The following PTPRR variants were observed in gnomAD, a reference collection of about 807,000 sequenced individuals.
PTPRR encodes receptor-type tyrosine-protein phosphatase R.
Under a neutral mutation model 77.2 loss-of-function variants are expected in PTPRR, and 38 were observed. The ratio of observed to expected loss-of-function variants is 0.49; its 90% CI spans 0.38 to 0.65. The LOEUF (loss-of-function observed/expected upper bound fraction) is 0.65, where lower values mean the gene tolerates loss of function less well. Among genes scored for constraint, PTPRR ranks in the 30% least tolerant of loss-of-function variants. The pLI is 0.00. For missense variants in PTPRR, 744 were observed against 799.2 expected (o/e 0.93, Z 0.83); for synonymous variants, 299 against 283.1 (o/e 1.06, Z -0.57).
At chr12:70,908,564 C>T (rs977432995) in intron 1 of PTPRR, among the ~76,000 whole-genome samples, 1 of 152,170 alleles carries the variant, frequency 6.6e-6, no homozygotes, top group Non-Finnish European at 1.5e-5. Flanking sequence ...ATAGAGGAAG[C>T]CGCCCCATGA....
chr12:70,643,080 G>C (rs887795270), intron 13 of PTPRR, among the ~76,000 whole-genome samples: 1 of 152,156 alleles, frequency 6.6e-6, no homozygotes, highest in African/African-American at 2.4e-5. Context: ...TGAGGCCAGA[G>C]GATAGCATTT....
At chr12:70,700,130 G>T (rs570146776) in intron 7 of PTPRR, among the ~76,000 whole-genome samples, 1 of 152,252 alleles carries the variant, frequency 6.6e-6, no homozygotes, top group East Asian at 1.9e-4. Context: ...TTTCATGTTT[G>T]TATTTTACTT....
intron 2 of PTPRR, among the ~76,000 whole-genome samples, chr12:70,794,566 C>T (rs573864315): frequency 6.6e-6 from 1 of 152,232 alleles, no homozygotes; most frequent in South Asian, 2.1e-4. Context: ...ACATTTTGGG[C>T]AAATATATAA....
At chr12:70,883,110 A>T in intron 2 of PTPRR, among the ~76,000 whole-genome samples, 1 of 152,224 alleles carries the variant, frequency 6.6e-6, no homozygotes, top group East Asian at 1.9e-4. Context: ...AAAATACAAA[A>T]ATTAGCTGAA....
At chr12:70,693,435 C>T (rs889510419) in intron 8 of PTPRR, among the ~76,000 whole-genome samples, 1 of 151,934 alleles carries the variant, frequency 6.6e-6, no homozygotes, top group African/African-American at 2.4e-5. Flanking sequence ...TAGCTGGGAC[C>T]ACACATGTGC....
At position 70,805,667 on chromosome 12, in the gene PTPRR, T is replaced by C. The variant is rs879293026; in HGVS notation, c.358-40889A>G. Among the ~76,000 whole-genome samples, 3 of 152,384 alleles carry C rather than the reference T, an allele frequency of 2.0e-5. No individual in the cohort carries two copies. In the East Asian group the frequency reaches 5.8e-4, roughly 29 times the overall value. ...TGCCCTTCAGGGAGGTTGTAAAATA[T>C]GAATTTCCATTAGCAGTTTATTAAA... On this transcript the variant is annotated intron_variant, in intron 2 of 13. Transcript: ENST00000283228.
chr12:70,886,100 G>C (rs1170508065), intron 2 of PTPRR, among the ~76,000 whole-genome samples: 1 of 152,114 alleles, frequency 6.6e-6, no homozygotes, highest in Non-Finnish European at 1.5e-5. Context: ...AGACATTGCT[G>C]AGGCTTAGCC....
At chr12:70,724,021 T>C (rs1266539535) in intron 6 of PTPRR, among the ~76,000 whole-genome samples, 1 of 152,140 alleles carries the variant, frequency 6.6e-6, no homozygotes, top group African/African-American at 2.4e-5. Context: ...AAGAATGAAA[T>C]AGGAGAGCAA....
intron 1 of PTPRR, among the ~76,000 whole-genome samples, chr12:70,912,409 G>A (rs1296144451): frequency 6.6e-6 from 1 of 152,128 alleles, no homozygotes; most frequent in Non-Finnish European, 1.5e-5. Context: ...AGAATCAGTA[G>A]TTTAGGACTG....
At chr12:70,752,825 G>A (rs11178392) in intron 5 of PTPRR, among the ~76,000 whole-genome samples, 12,468 of 152,148 alleles carry the variant, frequency 0.082, 729 homozygotes, top group Non-Finnish European at 0.12. Context: ...GAAGAATCAC[G>A]TATATTAAAA....
Position 70,682,645 on chromosome 12 carries a change from G to A in PTPRR, c.1497+1482C>T, listed in dbSNP as rs143590773. Among the ~76,000 whole-genome samples the A allele has an allele frequency of 6.6e-3, 1,003 of 151,922 alleles. 18 individuals carry two copies. The highest frequency in any genetic ancestry group is 0.06 in the East Asian group (311 of 5,162). On this transcript the variant is annotated intron_variant, in intron 10 of 13. Coordinates refer to ENST00000283228, the MANE Select transcript of PTPRR (RefSeq NM_002849.4). ...TGCTGTATTACATAAGTTCTATGTA[G>A]GAATGCACAAATGTACACATACAGA...
At chr12:70,783,208 AG>A (rs1341008618) in intron 2 of PTPRR, among the ~76,000 whole-genome samples, 1 of 152,214 alleles carries the variant, frequency 6.6e-6, no homozygotes, top group African/African-American at 2.4e-5. Context: ...AGAACAGCTC[AG>A]AGGAGACCCA....
intron 1 of PTPRR, among the ~76,000 whole-genome samples, chr12:70,918,584 C>A (rs949745163): frequency 1.7e-4 from 26 of 151,952 alleles, no homozygotes; most frequent in Non-Finnish European, 3.2e-4. Context: ...TTTCTCATCC[C>A]GAATATTCAT....
At chr12:70,883,809 C>G (rs1313589869) in intron 2 of PTPRR, among the ~76,000 whole-genome samples, 1 of 152,204 alleles carries the variant, frequency 6.6e-6, no homozygotes, top group Non-Finnish European at 1.5e-5. Context: ...TAATATTTGG[C>G]TGAAATCTTT....
At chr12:70,771,366 G>A (rs567057245) in intron 2 of PTPRR, among the ~76,000 whole-genome samples, 28 of 152,062 alleles carry the variant, frequency 1.8e-4, no homozygotes, top group South Asian at 8.3e-4. Flanking sequence ...TGGACATAAA[G>A]ATGAGAGCAA....
chr12:70,666,938 T>G (rs1176867215), intron 10 of PTPRR, among the ~76,000 whole-genome samples: 6 of 43,356 alleles, frequency 1.4e-4, no homozygotes, highest in African/African-American at 1.1e-3. Context: ...TTTTTCTGTT[T>G]TTTTTTTTTT....
intron 2 of PTPRR, among the ~76,000 whole-genome samples, chr12:70,765,852 T>C (rs1890807391): frequency 6.6e-6 from 1 of 152,116 alleles, no homozygotes. Flanking sequence ...CATTCGCAGT[T>C]CACAAACATC....
rs1893714052 is a variant in PTPRR, at chr12:70,912,478, A to G, written c.58+7855T>C. 2.6e-5 allele frequency among the ~76,000 whole-genome samples: 4 copies of G among 152,344 alleles called. No homozygotes were observed. The South Asian group carries it at 8.3e-4, about 32-fold the overall frequency. On this transcript the variant is annotated intron_variant, in intron 1 of 13. Transcript: ENST00000283228. ...TGGACATTGCTTTAGATCTGAAAAA[A>G]AGGAAATAAAAAATAAAATAGAAAT... is the stretch of plus-strand genomic sequence containing the variant.
intron 2 of PTPRR, among the ~76,000 whole-genome samples, chr12:70,806,868 T>C (rs1403137857): frequency 6.6e-6 from 1 of 152,206 alleles, no homozygotes; most frequent in Non-Finnish European, 1.5e-5. Context: ...AGTTGTTCTA[T>C]GTGGGGATAG....
Sources: allele counts gnomAD v4.1 joint callset (sites outside exome capture counted in the v4.1 genomes callset), GRCh38; gene constraint gnomAD v4.1.1; transcripts MANE v1.5; gene names NCBI Gene and HGNC (gene_info 2026-07-23, HGNC 2026-07-21).